FBXO47: variants seen among roughly 807,000 people sequenced by gnomAD.
FBXO47 encodes F-box only protein 47.
A neutral mutation model predicts 53.9 loss-of-function variants in FBXO47; 34 were observed. That is an observed-to-expected ratio of 0.63 (90% CI 0.48 to 0.84). The LOEUF (loss-of-function observed/expected upper bound fraction) is 0.84, where lower values mean the gene tolerates loss of function less well. FBXO47 is among the 40% of genes least tolerant of loss of function. The pLI is 0.00. For missense variants in FBXO47, 485 were observed against 541.3 expected (o/e 0.90, Z 1.03); for synonymous variants, 165 against 181.6 (o/e 0.91, Z 0.73).
intron 9 of FBXO47, among the ~76,000 whole-genome samples, chr17:38,939,293 CAAAAAAAAAAA>C (rs1218321299): frequency 0.022 from 750 of 34,670 alleles, 13 homozygotes; most frequent in African/African-American, 0.11. Flanking sequence ...ACTCCATCTC[CAAAAAAAAAAA>C]AAAAAAAAAA....
chr17:38,946,621 AAT>A (rs1212903823), intron 6 of FBXO47, among the ~76,000 whole-genome samples: 12 of 86,134 alleles, frequency 1.4e-4, no homozygotes, highest in Admixed American at 6.2e-4. Flanking sequence ...TAACTATATA[AAT>A]ATATATGAAT....
At chr17:38,943,950 A>C (rs551948769) in intron 7 of FBXO47, among the ~76,000 whole-genome samples, 1 of 151,688 alleles carries the variant, frequency 6.6e-6, no homozygotes, top group East Asian at 2.0e-4. Context: ...CCAGCACTTT[A>C]GGAGGCCGAG....
At position 38,954,908 on chromosome 17, in the gene FBXO47, C is replaced by T. The variant is rs776107374; in HGVS notation, c.455G>A (p.Cys152Tyr). The T allele has an allele frequency of 1.9e-5, 30 of 1,610,958 alleles. No homozygotes were observed. Among genetic ancestry groups the T allele is most frequent in the Non-Finnish European group, 2.5e-5 (30 of 1,178,806 alleles). Residue 152 changes from cysteine (C) to tyrosine (Y), a missense_variant, in exon 5 of 11, where the codon TGT becomes TAT. Physicochemically the swap from Cys to Tyr is radical, Grantham distance 194. Coordinates refer to ENST00000378079, the MANE Select transcript of FBXO47 (RefSeq NM_001008777.3). The stretch of plus-strand genomic sequence containing the variant: ...TCCTAAACACTGCATAGGAGCTGCA[C>T]AGCCATTGAATTTAAAGCAGGAAAC... Reference protein sequence around the residue: ...TEVSCFKFNGCAAPMQCLGLT... With the variant: ...TEVSCFKFNGYAAPMQCLGLT...
At chr17:38,944,430 C>T (rs958103475) in intron 7 of FBXO47, among the ~76,000 whole-genome samples, 1 of 150,734 alleles carries the variant, frequency 6.6e-6, no homozygotes, top group African/African-American at 2.4e-5. Context: ...TGGCCAGGCG[C>T]GGTGGCTCAC....
rs34218216 is a variant in FBXO47, at chr17:38,955,958, C to CAAA, written c.430-1028_430-1026dup. Among the ~76,000 whole-genome samples the CAAA allele has an allele frequency of 3.3e-3, 100 of 30,270 alleles. 2 individuals are homozygous for CAAA. The highest frequency in any genetic ancestry group is 5.7e-3 in the African/African-American group (44 of 7,710). The allele number at this position is 30,270 out of a possible 152,430, so 19.9% of individuals were successfully genotyped here. On this transcript the variant is annotated intron_variant, in intron 4 of 10. Coordinates refer to ENST00000378079, the MANE Select transcript of FBXO47 (RefSeq NM_001008777.3). ...AGGCGGCAGAGCGAGACTCCATCTC[C>CAAA]AAAAAAAAAAAAAAAAAAAAAAAAA...
intron 6 of FBXO47, among the ~76,000 whole-genome samples, chr17:38,946,325 AATATATAAATATATATAAATATATAAAT>A (rs1904818889): frequency 5.5e-5 from 4 of 72,466 alleles, no homozygotes; most frequent in African/African-American, 1.2e-4. Context: ...AATATATATA[AATATATAAATATATATAAATATATAAAT>A]ATATATAAAT....
chr17:38,964,638 G>A (rs1480929785), intron 1 of FBXO47, among the ~76,000 whole-genome samples: 4 of 151,766 alleles, frequency 2.6e-5, no homozygotes, highest in Non-Finnish European at 4.4e-5. Context: ...TCCAGCCTGG[G>A]GCAACACAGT....
intron 2 of FBXO47, among the ~76,000 whole-genome samples, chr17:38,962,484 G>A (rs1007420509): frequency 2.0e-5 from 3 of 151,658 alleles, no homozygotes; most frequent in East Asian, 1.9e-4. Flanking sequence ...GCATGGTGGC[G>A]CATGCCAGCT....
Position 38,945,141 on chromosome 17 carries a change from G to A in FBXO47, c.617-5C>T. On this transcript the variant is annotated splice_polypyrimidine_tract_variant and splice_region_variant and intron_variant, in intron 6 of 10. Transcript: ENST00000378079. The stretch of plus-strand genomic sequence containing the variant: ...ACTCCAGTTTTTGGGCACTTCCTAT[G>A]AAGACAAAAGAATTGTAAATCATTC... 6.3e-7 allele frequency: 1 copy of A among 1,594,532 alleles called. No individual in the cohort carries two copies. The highest frequency in any genetic ancestry group is 1.1e-5 in the South Asian group (1 of 90,572).
Position 38,938,627 on chromosome 17 carries a change from C to A in FBXO47, c.1189G>T (p.Val397Leu). ...PVERKNFLQN[V>L]ANAFACVIME... ...ATAACACATGCAAATGCATTTGCCA[C>A]ATTCTGCAGGAAGTTCTTTCTTTCC... The change falls in exon 10 of 11, where the codon GTG (valine) becomes TTG (leucine). Residue 397 changes from valine (V) to leucine (L), a missense_variant. Coordinates refer to ENST00000378079, the MANE Select transcript of FBXO47 (RefSeq NM_001008777.3). The A allele has an allele frequency of 6.2e-7, 1 of 1,613,686 alleles. No individual in the cohort carries two copies. The highest frequency in any genetic ancestry group is 1.7e-5 in the Admixed American group (1 of 60,006).
chr17:38,943,447 GC>G (rs1904599649), intron 8 of FBXO47, 142 bp downstream of exon 8: 3 of 501,780 alleles, frequency 6.0e-6, no homozygotes, highest in South Asian at 1.0e-4. Flanking sequence ...CAAACATAAT[GC>G]CAAACTCTTT....
chr17:38,953,832 G>A (rs532399634), intron 5 of FBXO47, among the ~76,000 whole-genome samples: 1 of 152,156 alleles, frequency 6.6e-6, no homozygotes, highest in African/African-American at 2.4e-5. Flanking sequence ...AAAGAAATAA[G>A]TAAAAAACAA....
chr17:38,946,905 AATATAT>A (rs1248070953), intron 6 of FBXO47, among the ~76,000 whole-genome samples: 1 of 119,844 alleles, frequency 8.3e-6, no homozygotes. Context: ...AACATATATA[AATATAT>A]ATAAACATAT....
chr17:38,954,756 T>A, intron 5 of FBXO47, 100 bp downstream of exon 5: 1 of 617,652 alleles, frequency 1.6e-6, no homozygotes, highest in Non-Finnish European at 2.7e-6. Flanking sequence ...CTTTTTAAGA[T>A]TATTATAACT....
chr17:38,946,588 CTA>C (rs1567716960), intron 6 of FBXO47, among the ~76,000 whole-genome samples: 1 of 43,216 alleles, frequency 2.3e-5, no homozygotes, highest in East Asian at 7.4e-4. Context: ...GAATATATAA[CTA>C]TATAAATATA....
At chr17:38,947,635 C>A (rs1043349662) in intron 6 of FBXO47, among the ~76,000 whole-genome samples, 1 of 152,134 alleles carries the variant, frequency 6.6e-6, no homozygotes, top group African/African-American at 2.4e-5. Flanking sequence ...AACGGCCAGG[C>A]GTGGTGGCTC....
intron 6 of FBXO47, among the ~76,000 whole-genome samples, chr17:38,947,095 C>CATAT (rs1182325303): frequency 7.6e-6 from 1 of 130,820 alleles, no homozygotes; most frequent in African/African-American, 2.9e-5. Flanking sequence ...TATATATAAA[C>CATAT]ATATATATAA....
At position 38,947,947 on chromosome 17, in the gene FBXO47, G is replaced by T. The variant is rs534829015; in HGVS notation, c.617-2811C>A. ...AAAATAAAAAATTAGATTAACATAG[G>T]ACTACTTTTTCAAAAGCTTTACTGA... is the stretch of plus-strand genomic sequence containing the variant. On this transcript the variant is annotated intron_variant, in intron 6 of 10. Transcript: ENST00000378079. Among the ~76,000 whole-genome samples the T allele has an allele frequency of 6.6e-5, 10 of 151,916 alleles. No homozygotes were observed. The South Asian group carries it at 2.1e-3, about 32-fold the overall frequency.
chr17:38,941,620 T>TTATATATATATATATATA lies in FBXO47; in HGVS notation c.1083+1140_1083+1157dup, dbSNP rs3040090. On this transcript the variant is annotated intron_variant, in intron 9 of 10. Coordinates refer to ENST00000378079, the MANE Select transcript of FBXO47 (RefSeq NM_001008777.3). ...AAATGAATATTAAATAAATATAATA[T>TTATATATATATATATATA]TATATATATATATATATATATATAT... is the stretch of plus-strand genomic sequence containing the variant. 3.7e-3 allele frequency among the ~76,000 whole-genome samples: 427 copies of TTATATATATATATATATA among 115,080 alleles called. 2 individuals carry two copies. Among genetic ancestry groups the TTATATATATATATATATA allele is most frequent in the Admixed American group, 9.6e-3 (95 of 9,852 alleles). The allele number at this position is 115,080 out of a possible 152,430, so 75.5% of individuals were successfully genotyped here. A position where few individuals can be genotyped will look rare whatever the true frequency, so the allele number is the denominator to read the frequency against.
Sources: allele counts gnomAD v4.1 joint callset (sites outside exome capture counted in the v4.1 genomes callset), GRCh38; gene constraint gnomAD v4.1.1; transcripts MANE v1.5; gene names NCBI Gene and HGNC (gene_info 2026-07-23, HGNC 2026-07-21).